Variants in SRBD1 observed in about 807,000 individuals in gnomAD.
The protein encoded by SRBD1 is S1 RNA binding domain 1.
SRBD1 carries 88 observed loss-of-function variants against 115.3 expected under a neutral mutation model. That is an observed-to-expected ratio of 0.76 (90% CI 0.64 to 0.91). SRBD1 has a LOEUF of 0.91. Among genes scored for constraint, SRBD1 ranks in the 40% least tolerant of loss-of-function variants. The probability of loss-of-function intolerance (pLI) is 0.00; values close to 1 mark genes in which losing one functional copy is unlikely to be tolerated. For missense variants in SRBD1, 1,385 were observed against 1,177.4 expected, an observed-to-expected ratio of 1.18 and a Z score of -2.58; for synonymous variants, 509 against 407.7, an observed-to-expected ratio of 1.25 and a Z score of -2.99.
chr2:45,402,166 C>T (rs1431614468), intron 19 of SRBD1, among the ~76,000 whole-genome samples: 3 of 152,124 alleles, frequency 2.0e-5, no homozygotes, highest in Admixed American at 1.3e-4. Context: ...GCTCAGGGCA[C>T]CAGTTAGGAA....
intron 19 of SRBD1, among the ~76,000 whole-genome samples, chr2:45,408,155 T>G (rs1246777761): frequency 1.3e-5 from 2 of 152,146 alleles, no homozygotes; most frequent in Non-Finnish European, 2.9e-5. Flanking sequence ...AGAACTGAAA[T>G]CAAACCAATG....
intron 10 of SRBD1, among the ~76,000 whole-genome samples, chr2:45,555,743 C>G (rs948752166): frequency 5.9e-5 from 9 of 152,118 alleles, no homozygotes; most frequent in African/African-American, 2.2e-4. Flanking sequence ...CTGCCCATGT[C>G]AGCCTCCCAA....
At chr2:45,580,162 T>C in intron 6 of SRBD1, 149 bp from the exon 7 acceptor site, 1 of 626,008 alleles carries the variant, frequency 1.6e-6, no homozygotes, top group Non-Finnish European at 2.5e-6. Context: ...TAAAACTAAT[T>C]TGAAAATGCT....
intron 16 of SRBD1, among the ~76,000 whole-genome samples, chr2:45,471,239 G>GT (rs1669639585): frequency 6.6e-6 from 1 of 151,990 alleles, no homozygotes; most frequent in South Asian, 2.1e-4. Context: ...ACATCAACAA[G>GT]TATCAGTCAC....
chr2:45,454,948 A>G (rs960300676), intron 16 of SRBD1, among the ~76,000 whole-genome samples: 2 of 151,832 alleles, frequency 1.3e-5, no homozygotes. Flanking sequence ...TAATTTTTAT[A>G]TATTTTAACA....
chr2:45,530,000 T>C (rs1006548865), intron 14 of SRBD1, among the ~76,000 whole-genome samples: 8 of 151,980 alleles, frequency 5.3e-5, no homozygotes, highest in African/African-American at 1.9e-4. Flanking sequence ...ACAATGGCAA[T>C]GATGGCAGCA....
At chr2:45,421,956 A>G (rs908973481) in intron 16 of SRBD1, among the ~76,000 whole-genome samples, 1 of 152,194 alleles carries the variant, frequency 6.6e-6, no homozygotes, top group African/African-American at 2.4e-5. Flanking sequence ...GAACTTGGTT[A>G]CTCTGAGCCA....
At chr2:45,611,154 C>G (rs1467390939) in intron 1 of SRBD1, 65 bp downstream of exon 1, 2 of 152,184 alleles carry the variant, frequency 1.3e-5, no homozygotes, top group African/African-American at 2.4e-5. Flanking sequence ...CCAAAGATCC[C>G]GGAGCCCGGA....
intron 16 of SRBD1, among the ~76,000 whole-genome samples, chr2:45,445,096 T>C (rs1428010629): frequency 2.0e-5 from 3 of 152,210 alleles, no homozygotes; most frequent in African/African-American, 7.2e-5. Flanking sequence ...ATCTAAAGTT[T>C]CAGGCATTTA....
At position 45,563,705 on chromosome 2, in the gene SRBD1, A is replaced by C. The variant is rs533256086; in HGVS notation, c.1306-949T>G. ...ATGACAAATTAGATAACTAAGATAA[A>C]ATGGACAAATTCCTAAAAGATACAA... On this transcript the variant is annotated intron_variant, in intron 9 of 20. Coordinates refer to ENST00000263736, the MANE Select transcript of SRBD1 (RefSeq NM_018079.5). Among the ~76,000 whole-genome samples, 3 of 152,238 alleles carry C rather than the reference A, an allele frequency of 2.0e-5. No homozygotes were observed. In the East Asian group the frequency reaches 5.8e-4, roughly 29 times the overall value.
chr2:45,578,116 A>G (rs138076062), intron 7 of SRBD1, among the ~76,000 whole-genome samples: 31 of 152,324 alleles, frequency 2.0e-4, no homozygotes, highest in African/African-American at 7.5e-4. Context: ...AGACCTTGGT[A>G]CCAAAGGTAG....
intron 12 of SRBD1, among the ~76,000 whole-genome samples, chr2:45,549,846 G>T (rs139296952): frequency 1.6e-4 from 24 of 151,998 alleles, no homozygotes; most frequent in African/African-American, 5.8e-4. Flanking sequence ...CTGGGTAAAA[G>T]AGCAAGACCC....
At position 45,477,023 on chromosome 2, in the gene SRBD1, C is replaced by T. The variant is rs1206383281; in HGVS notation, c.2019G>A (p.Glu673=). The T allele has an allele frequency of 6.2e-7, 1 of 1,613,786 alleles. No individual in the cohort carries two copies. Among genetic ancestry groups the T allele is most frequent in the Admixed American group, 1.7e-5 (1 of 59,984 alleles). ...QDPLAELVKI[E]PKHIGVGMYQ... ...ACATTCCAACTCCAATGTGCTTTGGCTCAATTTTCACTAGCTCAGCTAATG... is the reference window on the plus strand; with the variant it reads ...ACATTCCAACTCCAATGTGCTTTGGTTCAATTTTCACTAGCTCAGCTAATG... The change falls in exon 16 of 21, where the codon GAG becomes GAA. Residue 673 remains glutamate, a synonymous_variant. Transcript: ENST00000263736.
intron 14 of SRBD1, among the ~76,000 whole-genome samples, chr2:45,496,542 A>T (rs1345207029): frequency 1.3e-5 from 2 of 152,220 alleles, no homozygotes; most frequent in Non-Finnish European, 2.9e-5. Flanking sequence ...CAAACAGCCC[A>T]GTTCTTTTTT....
intron 14 of SRBD1, among the ~76,000 whole-genome samples, chr2:45,519,597 T>A (rs1326583828): frequency 6.6e-6 from 1 of 152,216 alleles, no homozygotes; most frequent in African/African-American, 2.4e-5. Context: ...TTATATTCTT[T>A]ACTCAGTAAT....
At chr2:45,565,183 T>A (rs927836701) in intron 9 of SRBD1, among the ~76,000 whole-genome samples, 1 of 152,138 alleles carries the variant, frequency 6.6e-6, no homozygotes, top group African/African-American at 2.4e-5. Flanking sequence ...CCAAGTCAAT[T>A]TTTAAAAATC....
intron 19 of SRBD1, among the ~76,000 whole-genome samples, chr2:45,408,092 G>C (rs528189086): frequency 6.6e-6 from 1 of 152,256 alleles, no homozygotes; most frequent in African/African-American, 2.4e-5. Flanking sequence ...ATTTCCAATA[G>C]TTTTCTGACA....
At chr2:45,607,494 G>C (rs746640262) in intron 1 of SRBD1, among the ~76,000 whole-genome samples, 9 of 152,106 alleles carry the variant, frequency 5.9e-5, no homozygotes, top group Non-Finnish European at 1.0e-4. Context: ...TGGGGAAATG[G>C]AGGTTTTCCT....
chr2:45,411,286 G>A (rs1011335577), intron 19 of SRBD1, among the ~76,000 whole-genome samples: 5 of 152,192 alleles, frequency 3.3e-5, no homozygotes, highest in Non-Finnish European at 7.3e-5. Flanking sequence ...ATGTTGTACT[G>A]AGAGTAGACA....
Sources: gnomAD v4.1 joint callset for allele counts (sites outside exome capture counted in the v4.1 genomes callset) on GRCh38, gnomAD v4.1.1 for gene constraint, MANE v1.5 for transcripts, NCBI Gene and HGNC (gene_info 2026-07-23, HGNC 2026-07-21) for gene names.